The following RNF17 variants were observed in gnomAD, a reference collection of about 807,000 sequenced individuals.
RNF17 encodes the protein ring finger protein 17.
RNF17 carries 31 observed loss-of-function variants against 200.5 expected under a neutral mutation model. The observed-to-expected ratio is 0.15, with a 90% confidence interval of 0.12 to 0.21. The LOEUF (loss-of-function observed/expected upper bound fraction) is 0.21. Ranked by LOEUF, RNF17 falls within the 10% of genes least tolerant of loss-of-function variation. The pLI is 1.00. For synonymous variants in RNF17, 606 were observed against 637.8 expected, an observed-to-expected ratio of 0.95 and a Z score of 0.75; for missense variants, 1,628 against 1,905.1, an observed-to-expected ratio of 0.85 and a Z score of 2.71.
At chr13:24,810,920 T>C (rs1209393395) in intron 15 of RNF17, among the ~76,000 whole-genome samples, 2 of 149,696 alleles carry the variant, frequency 1.3e-5, no homozygotes, top group East Asian at 2.0e-4. Flanking sequence ...TGGCTGGATA[T>C]GAAATTCTGG....
chr13:24,874,429 T>C (rs77684718), intron 33 of RNF17, among the ~76,000 whole-genome samples, 180 bp downstream of exon 33: 1 of 151,552 alleles, frequency 6.6e-6, no homozygotes, highest in African/African-American at 2.4e-5. Flanking sequence ...TTTTTTTTTT[T>C]AGATGAGTCT....
At position 24,767,234 on chromosome 13, in the gene RNF17, A is replaced by G. The variant is rs756376271; in HGVS notation, c.131-38A>G. The G allele has an allele frequency of 1.1e-5, 16 of 1,400,286 alleles. 1 individual carries two copies. The South Asian group carries it at 1.9e-4, about 17-fold the overall frequency. The allele number at this position is 1,400,286 out of a possible 1,614,324, so 86.7% of individuals were successfully genotyped here. On this transcript the variant is annotated intron_variant, in intron 1 of 35. Coordinates refer to ENST00000255324, the MANE Select transcript of RNF17 (RefSeq NM_031277.3). ...GCAAGACCCTGTCTCAATAATCATCATCATCATCAAAATAATAATTAAGAA... is the reference window on the plus strand; with the variant it reads ...GCAAGACCCTGTCTCAATAATCATCGTCATCATCAAAATAATAATTAAGAA...
chr13:24,868,529 A>G (rs1893915571), intron 30 of RNF17, 71 bp from the exon 31 acceptor site: 3 of 675,440 alleles, frequency 4.4e-6, no homozygotes, highest in South Asian at 1.5e-5. Flanking sequence ...AATTGGCACC[A>G]TCATGAATTT....
At chr13:24,871,958 CTTTTTTTT>C (rs60797153) in intron 32 of RNF17, among the ~76,000 whole-genome samples, 5 of 71,766 alleles carry the variant, frequency 7.0e-5, no homozygotes, top group East Asian at 5.9e-4. Flanking sequence ...TTATTGATGA[CTTTTTTTT>C]TTTTTTTTTT....
In RNF17 at chr13:24,788,064, A is replaced by C; in HGVS notation, c.688A>C (p.Ile230Leu). The change falls in exon 7 of 36, where the codon ATT becomes CTT. Residue 230 changes from isoleucine to leucine, a missense_variant. Transcript: ENST00000255324. ...LSNLIKAKSYIEEKKNNLNAA... is the reference protein window; with the variant it reads ...LSNLIKAKSYLEEKKNNLNAA... ...AAATTTAATAAAGGCTAAAAGCTAC[A>C]TTGAAGAGAAAAAAAATAATTTGAA... 2 of 1,597,250 alleles carry C rather than the reference A, an allele frequency of 1.3e-6. No individual in the cohort carries two copies. The highest frequency in any genetic ancestry group is 1.8e-5 in the Admixed American group (1 of 55,026).
At chr13:24,776,191 C>T (rs1283077777) in intron 3 of RNF17, among the ~76,000 whole-genome samples, 1 of 152,134 alleles carries the variant, frequency 6.6e-6, no homozygotes, top group Non-Finnish European at 1.5e-5. Context: ...TCTATAGTAT[C>T]TCCTATGTCC....
intron 10 of RNF17, among the ~76,000 whole-genome samples, chr13:24,794,446 C>T (rs903749135): frequency 3.3e-5 from 5 of 152,000 alleles, no homozygotes; most frequent in East Asian, 1.9e-4. Context: ...GGCCGAGGCA[C>T]ATGGATGATT....
At chr13:24,805,195 C>T (rs543743992) in intron 15 of RNF17, among the ~76,000 whole-genome samples, 10 of 152,134 alleles carry the variant, frequency 6.6e-5, no homozygotes, top group African/African-American at 1.2e-4. Flanking sequence ...TTTTTTACAG[C>T]GTCTTTTATG....
intron 15 of RNF17, among the ~76,000 whole-genome samples, chr13:24,806,769 G>A (rs1480621386): frequency 6.7e-6 from 1 of 149,778 alleles, no homozygotes; most frequent in Non-Finnish European, 1.5e-5. Flanking sequence ...TCTAGCATTA[G>A]GTATATCTCC....
the RNF17 span, among the ~76,000 whole-genome samples, chr13:24,753,003 C>CT: frequency 6.6e-6 from 1 of 152,148 alleles, no homozygotes; most frequent in African/African-American, 2.4e-5. Context: ...ATATATTCTT[C>CT]TCCTTGGGCA....
At chr13:24,787,090 T>C (rs1440094476) in intron 6 of RNF17, among the ~76,000 whole-genome samples, 1 of 152,136 alleles carries the variant, frequency 6.6e-6, no homozygotes. Flanking sequence ...CCTGTCCAAA[T>C]CTGCAGTAGA....
At chr13:24,793,481 T>C in intron 10 of RNF17, 135 bp downstream of exon 10, 3 of 799,878 alleles carry the variant, frequency 3.8e-6, no homozygotes, top group Non-Finnish European at 5.7e-6. Context: ...AGTTAAAACC[T>C]GTTCATTCCA....
intron 15 of RNF17, among the ~76,000 whole-genome samples, chr13:24,813,158 A>AT (rs1467115918): frequency 2.5e-4 from 36 of 141,712 alleles, no homozygotes; most frequent in Non-Finnish European, 3.2e-5. Flanking sequence ...AAAACTTTTT[A>AT]TTTGTTTTTT....
chr13:24,756,389 A>T, the RNF17 span, among the ~76,000 whole-genome samples: 3 of 152,198 alleles, frequency 2.0e-5, no homozygotes, highest in Non-Finnish European at 4.4e-5. Context: ...ATTTGACTAC[A>T]TGAAAAAATA....
At chr13:24,888,232 T>G in the RNF17 span, among the ~76,000 whole-genome samples, 1 of 151,606 alleles carries the variant, frequency 6.6e-6, no homozygotes, top group Non-Finnish European at 1.5e-5. Flanking sequence ...GACTAGTAAA[T>G]TCAACATTAC....
At chr13:24,791,772 C>T (rs1284722613) in intron 9 of RNF17, among the ~76,000 whole-genome samples, 1 of 152,080 alleles carries the variant, frequency 6.6e-6, no homozygotes, top group Non-Finnish European at 1.5e-5. Flanking sequence ...TCATATAAAC[C>T]AAGGTCACAA....
At chr13:24,858,162 G>C (rs1892723285) in intron 25 of RNF17, among the ~76,000 whole-genome samples, 1 of 152,096 alleles carries the variant, frequency 6.6e-6, no homozygotes, top group African/African-American at 2.4e-5. Flanking sequence ...TGAATTTACT[G>C]AAATTTTTCT....
chr13:24,765,037 T>A (rs1244482876), intron 1 of RNF17, among the ~76,000 whole-genome samples: 2 of 152,042 alleles, frequency 1.3e-5, no homozygotes, highest in African/African-American at 4.8e-5. Flanking sequence ...TTTCTTTGAG[T>A]TGGAGTCTCG....
chr13:24,866,749 T>C, intron 30 of RNF17, among the ~76,000 whole-genome samples: 1 of 5,456 alleles, frequency 1.8e-4, no homozygotes, highest in East Asian at 1.9e-3. Flanking sequence ...CAAGTTTTTA[T>C]GTAGACATGT....
Sources: allele counts gnomAD v4.1 joint callset (sites outside exome capture counted in the v4.1 genomes callset), GRCh38; gene constraint gnomAD v4.1.1; transcripts MANE v1.5; gene names NCBI Gene and HGNC (gene_info 2026-07-23, HGNC 2026-07-21).